The following RBKS variants were observed in gnomAD, a reference collection of about 807,000 sequenced individuals.
RBKS encodes ribokinase.
Under a neutral mutation model 33.9 loss-of-function variants are expected in RBKS, and 33 were observed. The ratio of observed to expected loss-of-function variants is 0.97; its 90% CI spans 0.74 to 1.30. The LOEUF (loss-of-function observed/expected upper bound fraction) is 1.30, where lower values mean the gene tolerates loss of function less well. Ranked by LOEUF, RBKS falls within the 50% of genes most tolerant of loss-of-function variation. The pLI is 0.00. For synonymous variants in RBKS, 125 were observed against 143.0 expected (o/e 0.87, Z 0.90); for missense variants, 361 against 392.6 (o/e 0.92, Z 0.68).
chr2:27,871,252 C>T (rs1467245790), intron 1 of RBKS, among the ~76,000 whole-genome samples: 1 of 152,102 alleles, frequency 6.6e-6, no homozygotes, highest in Non-Finnish European at 1.5e-5. Context: ...TTCTGTTCTT[C>T]GTGTTCACTA....
At chr2:27,802,000 T>A (rs1297860539) in intron 7 of RBKS, among the ~76,000 whole-genome samples, 23 of 106,010 alleles carry the variant, frequency 2.2e-4, no homozygotes, top group African/African-American at 5.7e-4. Flanking sequence ...ATATTTTTTT[T>A]TTTTTTTTTT....
At chr2:27,881,529 A>C (rs2148232058) in intron 1 of RBKS, among the ~76,000 whole-genome samples, 1 of 152,194 alleles carries the variant, frequency 6.6e-6, no homozygotes. Flanking sequence ...TGACAGAGTG[A>C]GACTCTGTCT....
chr2:27,887,247 C>T (rs1170673269), intron 1 of RBKS, among the ~76,000 whole-genome samples: 5 of 151,946 alleles, frequency 3.3e-5, no homozygotes, highest in East Asian at 3.9e-4. Flanking sequence ...GAAGGGGCCA[C>T]GATGAGCCAA....
intron 7 of RBKS, among the ~76,000 whole-genome samples, chr2:27,783,287 AAAC>A (rs1187309778): frequency 2.0e-5 from 3 of 152,156 alleles, no homozygotes; most frequent in Non-Finnish European, 2.9e-5. Flanking sequence ...TACAAAAACA[AAAC>A]AAACAAAATC....
chr2:27,837,579 T>G lies in RBKS; in HGVS notation c.515-4802A>C, dbSNP rs1384018408. 2.0e-5 allele frequency among the ~76,000 whole-genome samples: 3 copies of G among 152,292 alleles called. No individual in the cohort carries two copies. The highest frequency in any genetic ancestry group is 2.9e-5 in the Non-Finnish European group (2 of 68,026). On this transcript the variant is annotated intron_variant, in intron 5 of 7. Coordinates refer to ENST00000302188, the MANE Select transcript of RBKS (RefSeq NM_022128.3). This position sits in a 1 kb window ranked among gnomAD's most constrained non-coding sequence, Gnocchi z 4.0. Reference sequence around the variant, plus strand: ...AGCAAAGACATGGAATCAACCTAGGTGCCCATCAATGGTGGACTGGATAAA... The same window carrying G: ...AGCAAAGACATGGAATCAACCTAGGGGCCCATCAATGGTGGACTGGATAAA...
intron 1 of RBKS, among the ~76,000 whole-genome samples, chr2:27,877,287 T>C (rs1664331928): frequency 6.7e-6 from 1 of 150,330 alleles, no homozygotes; most frequent in Admixed American, 6.6e-5. Context: ...TTTGTGTAGT[T>C]TTTTTTTTTC....
intron 1 of RBKS, among the ~76,000 whole-genome samples, chr2:27,883,724 A>G (rs1000998569): frequency 6.7e-6 from 1 of 150,352 alleles, no homozygotes; most frequent in Non-Finnish European, 1.5e-5. Context: ...TGTCATATGC[A>G]ATTTTTTTTT....
At position 27,858,561 on chromosome 2, in the gene RBKS, G is replaced by A. The variant is rs766740534; in HGVS notation, c.100C>T (p.Arg34Cys). 156 of 1,612,724 alleles carry A rather than the reference G, an allele frequency of 9.7e-5. No individual in the cohort carries two copies. Among genetic ancestry groups the A allele is most frequent in the Admixed American group, 2.0e-4 (12 of 59,742 alleles). The change falls in exon 2 of 8, where the codon CGT becomes TGT. Residue 34 changes from arginine (R) to cysteine (C), a missense_variant. Physicochemically the swap from Arg to Cys is radical, Grantham distance 180. Transcript: ENST00000302188. ...CMTDLVSLTS[R>C]LPKTGETIHG... ...ATGGTTTCTCCAGTTTTTGGCAAACGAGAAGTAAGACTATTGTAATTTAAA... is the reference window on the plus strand; with the variant it reads ...ATGGTTTCTCCAGTTTTTGGCAAACAAGAAGTAAGACTATTGTAATTTAAA...
Position 27,827,722 on chromosome 2 carries a change from C to T in RBKS, c.640G>A (p.Ala214Thr), listed in dbSNP as rs144415591. 210 of 1,608,250 alleles carry T rather than the reference C, an allele frequency of 1.3e-4. No homozygotes were observed. Among genetic ancestry groups the T allele is most frequent in the South Asian group, 4.9e-4 (44 of 90,492 alleles). ...EILTGLTVGS[A>T]ADAGEAALVL... ...AATGCAGCCTCCCCAGCATCTGCAG[C>T]GCTGCCCACCGTGAGGCCAGTTAAA... Residue 214 changes from alanine to threonine, a missense_variant, in exon 7 of 8, where the codon GCT (alanine) becomes ACT (threonine). Ala to Thr is a moderately conservative substitution (Grantham distance 58). Transcript: ENST00000302188.
intron 7 of RBKS, among the ~76,000 whole-genome samples, chr2:27,798,552 G>A (rs58103757): frequency 2.2e-3 from 334 of 152,170 alleles, no homozygotes; most frequent in African/African-American, 7.8e-3. Flanking sequence ...CACTGCCCCA[G>A]TAATGTTCAC....
At chr2:27,787,612 AAG>A (rs1443610825) in intron 7 of RBKS, among the ~76,000 whole-genome samples, 4 of 152,140 alleles carry the variant, frequency 2.6e-5, no homozygotes, top group Admixed American at 2.6e-4. Context: ...TATTAAAAAT[AAG>A]GGGTTCCCAA....
At chr2:27,801,984 ATATATATATTT>A (rs1558536509) in intron 7 of RBKS, among the ~76,000 whole-genome samples, 9 of 95,072 alleles carry the variant, frequency 9.5e-5, no homozygotes, top group African/African-American at 3.7e-4. Flanking sequence ...ATATATATAT[ATATATATATTT>A]TTTTTTTTTT....
chr2:27,850,835 A>AT (rs1468509994), intron 2 of RBKS, among the ~76,000 whole-genome samples: 2 of 152,226 alleles, frequency 1.3e-5, no homozygotes, highest in Middle Eastern at 6.3e-3. Context: ...CAATACTTAA[A>AT]TATTAGAAGA....
At chr2:27,836,616 G>A (rs1327459206) in intron 5 of RBKS, among the ~76,000 whole-genome samples, 1 of 152,088 alleles carries the variant, frequency 6.6e-6, no homozygotes, top group Non-Finnish European at 1.5e-5. Flanking sequence ...GTCCCCCAAA[G>A]CAACTGTAAC....
intron 5 of RBKS, among the ~76,000 whole-genome samples, chr2:27,836,228 C>A (rs552125137): frequency 3.3e-5 from 5 of 152,188 alleles, no homozygotes; most frequent in African/African-American, 9.6e-5. Flanking sequence ...AATACTACTA[C>A]TAATAATAGT....
chr2:27,838,317 A>G (rs1678567524), intron 5 of RBKS, among the ~76,000 whole-genome samples: 1 of 152,244 alleles, frequency 6.6e-6, no homozygotes, highest in South Asian at 2.1e-4. Context: ...TGTTGAAGCT[A>G]AATGATAGTA....
intron 1 of RBKS, among the ~76,000 whole-genome samples, chr2:27,888,896 C>A (rs1027408292): frequency 6.6e-6 from 1 of 152,210 alleles, no homozygotes; most frequent in African/African-American, 2.4e-5. Flanking sequence ...AAAAGATGTA[C>A]AGGCCTCTTC....
intron 1 of RBKS, among the ~76,000 whole-genome samples, chr2:27,867,992 A>T (rs1450128720): frequency 6.6e-6 from 1 of 152,218 alleles, no homozygotes; most frequent in East Asian, 1.9e-4. Flanking sequence ...TAAAATAATA[A>T]AAATGACAGT....
rs1663637119 is a variant in RBKS at position 27,847,111 on chromosome 2, G to T, written c.287-7C>A. 1.3e-6 allele frequency: 2 copies of T among 1,546,156 alleles called. No homozygotes were observed. The highest frequency in any genetic ancestry group is 4.5e-5 in the East Asian group (2 of 44,462). On this transcript the variant is annotated splice_polypyrimidine_tract_variant and splice_region_variant and intron_variant, in intron 3 of 7. Transcript: ENST00000302188. ...TTAGTCTGATATGTAAATTCTGAAA[G>T]AAAAAAGAAAATTACAATCACATGT...
Sources: gnomAD v4.1 joint callset for allele counts (sites outside exome capture counted in the v4.1 genomes callset) on GRCh38, gnomAD v4.1.1 for gene constraint, Gnocchi (gnomAD v3.1) non-coding constraint, MANE v1.5 for transcripts, NCBI Gene and HGNC (gene_info 2026-07-23, HGNC 2026-07-21) for gene names.